DPP6: variants seen among roughly 807,000 people sequenced by gnomAD.
DPP6 encodes dipeptidyl peptidase like 6.
A neutral mutation model predicts 122.6 loss-of-function variants in DPP6; 69 were observed. The ratio of observed to expected loss-of-function variants is 0.56; its 90% CI spans 0.46 to 0.69. The LOEUF (loss-of-function observed/expected upper bound fraction) is 0.69. Among genes scored for constraint, DPP6 ranks in the 30% least tolerant of loss-of-function variants. The pLI is 0.00. For missense variants in DPP6, 928 were observed against 1,116.9 expected (o/e 0.83, Z 2.41); for synonymous variants, 418 against 433.1 (o/e 0.97, Z 0.43).
chr7:154,709,885 T>TG (rs1382782465), intron 7 of DPP6, among the ~76,000 whole-genome samples: 1 of 152,244 alleles, frequency 6.6e-6, no homozygotes, highest in Admixed American at 6.5e-5. Flanking sequence ...TCAGGAAGGT[T>TG]GGCCTATGTC....
At chr7:154,779,656 C>G (rs1231892632) in intron 10 of DPP6, among the ~76,000 whole-genome samples, 4 of 152,196 alleles carry the variant, frequency 2.6e-5, no homozygotes, top group Non-Finnish European at 1.5e-5. Flanking sequence ...GGAGGGTTTG[C>G]TGGCAAAATC....
chr7:154,093,095 A>G lies in DPP6; in HGVS notation c.243+40032A>G, dbSNP rs562761041. ...ACATATCACATAATACACACCCCAC[A>G]TACCACTCACACAGCATAACACACC... On this transcript the variant is annotated intron_variant, in intron 1 of 25. Coordinates refer to ENST00000377770, the MANE Select transcript of DPP6 (RefSeq NM_130797.4). Among the ~76,000 whole-genome samples, 269 of 151,814 alleles carry G rather than the reference A, an allele frequency of 1.8e-3. 2 individuals carry two copies. Among genetic ancestry groups the G allele is most frequent in the Non-Finnish European group, 1.6e-3 (109 of 67,892 alleles).
chr7:154,015,839 C>G (rs1182665312), intron 1 of DPP6, among the ~76,000 whole-genome samples: 1 of 152,116 alleles, frequency 6.6e-6, no homozygotes, highest in East Asian at 1.9e-4. Flanking sequence ...ACCCATTCTC[C>G]CTAAGACAGC....
the DPP6 span, among the ~76,000 whole-genome samples, chr7:153,786,717 C>A: frequency 3.4e-3 from 408 of 120,218 alleles, 2 homozygotes; most frequent in East Asian, 0.02. Flanking sequence ...CCAGCCTGGG[C>A]GACAGAGCGA....
At chr7:153,977,517 C>G (rs71530421) in intron 1 of DPP6, among the ~76,000 whole-genome samples, 46 of 152,268 alleles carry the variant, frequency 3.0e-4, no homozygotes, top group South Asian at 2.5e-3. Context: ...GTTTATCTTT[C>G]TTTCTCCAGG....
chr7:154,440,949 C>T (rs956460403), intron 1 of DPP6, among the ~76,000 whole-genome samples: 2 of 152,134 alleles, frequency 1.3e-5, no homozygotes, highest in Non-Finnish European at 2.9e-5. Context: ...TTTGGTTGAT[C>T]GTGAAATCAT....
rs1291915482 is a variant in DPP6, at chr7:154,035,155, TCCTTTGTGGACAAA to T, written c.51+147422_51+147435del. 3.3e-5 allele frequency among the ~76,000 whole-genome samples: 5 copies of T among 152,334 alleles called. No individual in the cohort carries two copies. The East Asian group carries it at 9.6e-4, about 29-fold the overall frequency. On this transcript the variant is annotated intron_variant, in intron 1 of 25. Coordinates refer to the DPP6 transcript ENST00000404039. ...TTTCTGAGGGTAAAGCCTTTAACTT[TCCTTTGTGGACAAA>T]TTGCTCACTAGCTCATCATTGGGGT...
intron 1 of DPP6, among the ~76,000 whole-genome samples, chr7:154,367,061 G>T (rs1359751086): frequency 6.6e-6 from 1 of 152,292 alleles, no homozygotes; most frequent in South Asian, 2.1e-4. Context: ...TCTTAGGGGA[G>T]GAGGCAACGA....
At chr7:154,612,234 A>C (rs1833956412) in intron 5 of DPP6, among the ~76,000 whole-genome samples, 1 of 152,182 alleles carries the variant, frequency 6.6e-6, no homozygotes, top group Admixed American at 6.5e-5. Flanking sequence ...AGCAGCACAA[A>C]AAGGACTAAG....
chr7:154,299,001 C>T (rs897829925), intron 1 of DPP6, among the ~76,000 whole-genome samples: 9 of 152,280 alleles, frequency 5.9e-5, no homozygotes, highest in African/African-American at 1.9e-4. Context: ...GAAATAATTC[C>T]CCAGGGTTAG....
chr7:153,933,608 T>C lies in DPP6; in HGVS notation c.51+45874T>C, dbSNP rs183898631. ...ACAAGACTATAAGCCTTTCAGATCA[T>C]GCAATGATTTCTCTCTACCACCCCA... On this transcript the variant is annotated intron_variant, in intron 1 of 25. Transcript: ENST00000404039. Among the ~76,000 whole-genome samples the C allele has an allele frequency of 2.0e-5, 3 of 152,336 alleles. No homozygotes were observed. In the East Asian group the frequency reaches 5.8e-4, roughly 29 times the overall value.
At chr7:154,372,905 C>G (rs1050051134) in intron 1 of DPP6, among the ~76,000 whole-genome samples, 2 of 152,130 alleles carry the variant, frequency 1.3e-5, no homozygotes, top group African/African-American at 4.8e-5. Context: ...CAGGCTGAGG[C>G]CTTTGCAGAC....
At chr7:154,636,962 A>G (rs1835763836) in intron 5 of DPP6, among the ~76,000 whole-genome samples, 1 of 152,212 alleles carries the variant, frequency 6.6e-6, no homozygotes, top group Non-Finnish European at 1.5e-5. Context: ...AAGTAAAGGA[A>G]AGGGTTGGGG....
Position 154,052,980 on chromosome 7 carries a change from C to T in DPP6, c.160C>T (p.Arg54Trp). The T allele has an allele frequency of 2.7e-6, 3 of 1,093,750 alleles. No homozygotes were observed. Among genetic ancestry groups the T allele is most frequent in the Non-Finnish European group, 3.3e-6 (3 of 901,002 alleles). 67.8% of individuals were successfully genotyped at this position (1,093,750 alleles called of 1,614,324 possible). A position where few individuals can be genotyped will look rare whatever the true frequency, so the allele number is the denominator to read the frequency against. Reference protein sequence around the residue: ...LGPRAQAAAPRERGGGGGGAG... With the variant: ...LGPRAQAAAPWERGGGGGGAG... Reference sequence around the variant, plus strand: ...CCCGCGGGCGCAGGCGGCGGCGCCCCGGGAGCGCGGCGGCGGCGGCGGCGG... The same window carrying T: ...CCCGCGGGCGCAGGCGGCGGCGCCCTGGGAGCGCGGCGGCGGCGGCGGCGG... Residue 54 changes from arginine to tryptophan, a missense_variant, in exon 1 of 26, where the codon CGG becomes TGG. Physicochemically the swap from Arg to Trp is moderately radical, Grantham distance 101. Coordinates refer to ENST00000377770, the MANE Select transcript of DPP6 (RefSeq NM_130797.4). This position sits in a 1 kb window ranked among gnomAD's most constrained non-coding sequence, Gnocchi z 4.8.
At chr7:154,876,248 C>T in intron 20 of DPP6, 148 bp downstream of exon 20, 2 of 1,271,536 alleles carry the variant, frequency 1.6e-6, no homozygotes, top group Non-Finnish European at 2.0e-6. Flanking sequence ...TTGGCCATTC[C>T]AAAGAAGTTT....
At chr7:154,031,082 T>A (rs1799204274) in intron 1 of DPP6, among the ~76,000 whole-genome samples, 1 of 152,060 alleles carries the variant, frequency 6.6e-6, no homozygotes, top group African/African-American at 2.4e-5. Flanking sequence ...TACCTCTCCC[T>A]GGCTATTATC....
intron 1 of DPP6, among the ~76,000 whole-genome samples, chr7:154,177,929 A>C (rs1797886500): frequency 6.6e-6 from 1 of 152,050 alleles, no homozygotes. Flanking sequence ...TAAGGTGAGC[A>C]CTCCCTAATA....
intron 3 of DPP6, among the ~76,000 whole-genome samples, chr7:154,525,747 T>C (rs990975740): frequency 1.5e-5 from 2 of 130,778 alleles, no homozygotes; most frequent in Non-Finnish European, 3.4e-5. Context: ...TTTTGTTGTT[T>C]TGTTGTGTTT....
At chr7:153,853,029 A>G in the DPP6 span, among the ~76,000 whole-genome samples, 6 of 152,272 alleles carry the variant, frequency 3.9e-5, no homozygotes, top group African/African-American at 1.4e-4. Flanking sequence ...ACAATGCCCC[A>G]TCTCTCTGCA....
Sources: allele counts gnomAD v4.1 joint callset (sites outside exome capture counted in the v4.1 genomes callset), GRCh38; gene constraint gnomAD v4.1.1; non-coding constraint Gnocchi (gnomAD v3.1); transcripts MANE v1.5; gene names NCBI Gene and HGNC (gene_info 2026-07-23, HGNC 2026-07-21).